The following OR8U3 variants were observed in gnomAD, a reference collection of about 807,000 sequenced individuals.
OR8U3 encodes olfactory receptor family 8 subfamily U member 3, also known as olfactory receptor 8U3.
For missense variants in OR8U3, 429 were observed against 388.6 expected (o/e 1.10, Z -0.88); for synonymous variants, 170 against 147.0 (o/e 1.16, Z -1.13).
In OR8U3 at chr11:56,418,137, T is replaced by TA. The variant is rs751135327; in HGVS notation, c.95dup (p.Leu32PhefsTer21). The TA allele has an allele frequency of 1.2e-6, 2 of 1,613,718 alleles. No homozygotes were observed. Among genetic ancestry groups the TA allele is most frequent in the East Asian group, 4.5e-5 (2 of 44,876 alleles). ...CCAGCACTGTGACCAGATAGATAAC[T>TA]AAAAACACCCCAAAGCACGGGGCCT... On this transcript the variant is annotated frameshift_variant, in exon 1 of 1. Transcript: ENST00000623286. LOFTEE classifies it low-confidence loss of function (END_TRUNC).
At position 56,417,565 on chromosome 11, in the gene OR8U3, G is replaced by A; in HGVS notation, c.668C>T (p.Ala223Val). The A allele has an allele frequency of 6.2e-7, 1 of 1,613,728 alleles. No homozygotes were observed. The highest frequency in any genetic ancestry group is 8.5e-7 in the Non-Finnish European group (1 of 1,179,718). The change falls in exon 1 of 1, where the codon GCC (alanine) becomes GTC (valine). Residue 223 changes from alanine to valine, a missense_variant. Physicochemically the swap from Ala to Val is moderately conservative, Grantham distance 64. Transcript: ENST00000623286. ...AGTAGAGCGGATCCTTAGGATAGCGGCAATAATAAAGATGTAGGAGGTGAG... is the reference window on the plus strand; with the variant it reads ...AGTAGAGCGGATCCTTAGGATAGCGACAATAATAAAGATGTAGGAGGTGAG... ...IVLTSYIFII[A>V]AILRIRSTQG... is the part of the protein sequence containing the mutation.
Position 56,418,017 on chromosome 11 carries a change from A to G in OR8U3, c.216T>C (p.Cys72=), listed in dbSNP as rs778243242. The change falls in exon 1 of 1, where the codon TGT becomes TGC. Residue 72 remains cysteine, a synonymous_variant. Coordinates refer to ENST00000623286, the MANE Select transcript of OR8U3 (RefSeq NM_001004744.1). ...FLSHLAFVDL[C]YSSAITPKMM... ...TCTTCGGTGTAATAGCAGAGGAGTA[A>G]CAAAGGTCAACAAAGGCCAGGTGGC... The G allele has an allele frequency of 1.1e-5, 18 of 1,613,758 alleles. No homozygotes were observed. In the South Asian group the frequency reaches 2.0e-4, roughly 18 times the overall value.
rs201002192 is a variant in OR8U3 at position 56,417,966 on chromosome 11, G to C, written c.267C>G (p.Arg89=). The part of the protein sequence containing the change: ...PKMMVNFVVE[R]NTIPFHACAT... ...CACAAGCATGGAAAGGAATGGTGTTGCGTTCCACAACAAAATTCACCATCA... is the reference window on the plus strand; with the variant it reads ...CACAAGCATGGAAAGGAATGGTGTTCCGTTCCACAACAAAATTCACCATCA... Residue 89 remains arginine, a synonymous_variant, in exon 1 of 1, where the codon CGC becomes CGG. Coordinates refer to ENST00000623286, the MANE Select transcript of OR8U3 (RefSeq NM_001004744.1). 15 of 1,613,736 alleles carry C rather than the reference G, an allele frequency of 9.3e-6. No individual in the cohort carries two copies. The highest frequency in any genetic ancestry group is 1.2e-5 in the Non-Finnish European group (14 of 1,179,906).
Position 56,417,781 on chromosome 11 carries a change from T to G in OR8U3, c.452A>C (p.Tyr151Ser). 6.2e-7 allele frequency: 1 copy of G among 1,613,826 alleles called. No individual in the cohort carries two copies. The highest frequency in any genetic ancestry group is 8.5e-7 in the Non-Finnish European group (1 of 1,179,876). Residue 151 changes from tyrosine (Y) to serine (S), a missense_variant, in exon 1 of 1, where the codon TAC becomes TCC. Transcript: ENST00000623286. ...GTGGAAGAGGGCAACCAGGAAGCTG[T>G]ATATATATGGAACTGCCACCAGTTG... ...CIQLVAVPYI[Y>S]SFLVALFHTV...
Position 56,418,229 on chromosome 11 carries a change from C to A in OR8U3, c.4G>T (p.Ala2Ser). M[A>S]EVNIIYVTVF... ...GTGACATAAATGATATTAACTTCAGCCATTTATCCTAACAGGTTTTGTAGA... is the reference window on the plus strand; with the variant it reads ...GTGACATAAATGATATTAACTTCAGACATTTATCCTAACAGGTTTTGTAGA... Residue 2 changes from alanine to serine, a missense_variant, in exon 1 of 1, where the codon GCT (alanine) becomes TCT (serine). Coordinates refer to ENST00000623286, the MANE Select transcript of OR8U3 (RefSeq NM_001004744.1). 6.4e-7 allele frequency: 1 copy of A among 1,568,868 alleles called. No homozygotes were observed. Among genetic ancestry groups the A allele is most frequent in the Non-Finnish European group, 8.6e-7 (1 of 1,162,586 alleles).
rs766292892 is a variant in OR8U3, at chr11:56,417,689, G to T, written c.544C>A (p.Leu182Ile). The T allele has an allele frequency of 6.2e-7, 1 of 1,613,828 alleles. No individual in the cohort carries two copies. Among genetic ancestry groups the T allele is most frequent in the Non-Finnish European group, 8.5e-7 (1 of 1,179,816 alleles). Reference sequence around the variant, plus strand: ...GAGCAGGACAGAGCTAAGAAGGGGAGGTCATCACAATAGAAATGGTTAATT... The same window carrying T: ...GAGCAGGACAGAGCTAAGAAGGGGATGTCATCACAATAGAAATGGTTAATT... ...NLINHFYCDD[L>I]PFLALSCSDT... The change falls in exon 1 of 1, where the codon CTC becomes ATC. Residue 182 changes from leucine to isoleucine, a missense_variant. By Grantham distance (5) the Leu-to-Ile change is conservative. Transcript: ENST00000623286.
At position 56,417,276 on chromosome 11, in the gene OR8U3, T is replaced by G; in HGVS notation, c.957A>C (p.Lys319Asn). 1 of 1,387,444 alleles carries G rather than the reference T, an allele frequency of 7.2e-7. No individual in the cohort carries two copies. Among genetic ancestry groups the G allele is most frequent in the South Asian group, 1.3e-5 (1 of 75,790 alleles). The allele number at this position is 1,387,444 out of a possible 1,614,324, so 85.9% of individuals were successfully genotyped here. Reference sequence around the variant, plus strand: ...TGCTTGTTTAATAAAGTTTTCTTATTTTTAAAAATGTTAATATCTGTAAGT... The same window carrying G: ...TGCTTGTTTAATAAAGTTTTCTTATGTTTAAAAATGTTAATATCTGTAAGT... Reference protein sequence around the residue: ...CENLQILTFLKIRKLY With the variant: ...CENLQILTFLNIRKLY The change falls in exon 1 of 1, where the codon AAA (lysine) becomes AAC (asparagine). Residue 319 changes from lysine to asparagine, a missense_variant. Coordinates refer to ENST00000623286, the MANE Select transcript of OR8U3 (RefSeq NM_001004744.1).
Position 56,418,127 on chromosome 11 carries a change from GA to G in OR8U3, c.105del (p.Leu36TrpfsTer10). The G allele has an allele frequency of 6.2e-7, 1 of 1,613,904 alleles. No homozygotes were observed. The highest frequency in any genetic ancestry group is 8.5e-7 in the Non-Finnish European group (1 of 1,179,900). On this transcript the variant is annotated frameshift_variant, in exon 1 of 1. Transcript: ENST00000623286. LOFTEE classifies it low-confidence loss of function (END_TRUNC). ...CCAAGATTGCCCAGCACTGTGACCA[GA>G]TAGATAACTAAAAACACCCCAAAGC... ...APCFGVFLVI[Y>X]LVTVLGNLGL...
At position 56,418,028 on chromosome 11, in the gene OR8U3, C is replaced by CAA; in HGVS notation, c.203_204dup (p.Val69LeufsTer14). 6.2e-7 allele frequency: 1 copy of CAA among 1,613,830 alleles called. No individual in the cohort carries two copies. Among genetic ancestry groups the CAA allele is most frequent in the Middle Eastern group, 1.7e-4 (1 of 6,058 alleles). On this transcript the variant is annotated frameshift_variant, in exon 1 of 1. Transcript: ENST00000623286. LOFTEE classifies it low-confidence loss of function (END_TRUNC). ...ATAGCAGAGGAGTAACAAAGGTCAA[C>CAA]AAAGGCCAGGTGGCTGAGGAAATAG...
chr11:56,418,056 C>CA lies in OR8U3; in HGVS notation c.176dup (p.Met59IlefsTer12), dbSNP rs1241425061. On this transcript the variant is annotated frameshift_variant, in exon 1 of 1. Coordinates refer to ENST00000623286, the MANE Select transcript of OR8U3 (RefSeq NM_001004744.1). LOFTEE classifies it low-confidence loss of function (END_TRUNC). ...AGGCCAGGTGGCTGAGGAAATAGTA[C>CA]ATAGGTGTGTGGAGTCGAGTATCAA... 6 of 1,613,676 alleles carry CA rather than the reference C, an allele frequency of 3.7e-6. No homozygotes were observed. In the South Asian group the frequency reaches 6.6e-5, roughly 18 times the overall value.
At position 56,417,718 on chromosome 11, in the gene OR8U3, T is replaced by C; in HGVS notation, c.515A>G (p.Asn172Ser). The change falls in exon 1 of 1, where the codon AAC (asparagine) becomes AGC (serine). Residue 172 changes from asparagine (N) to serine (S), a missense_variant. By Grantham distance (46) the Asn-to-Ser change is conservative (BLOSUM62 1). Transcript: ENST00000623286. ...ITFRLTYCGPNLINHFYCDDL... is the reference protein window; with the variant it reads ...ITFRLTYCGPSLINHFYCDDL... Reference sequence around the variant, plus strand: ...ATCACAATAGAAATGGTTAATTAAGTTTGGGCCACAGTAAGTCAGACGGAA... The same window carrying C: ...ATCACAATAGAAATGGTTAATTAAGCTTGGGCCACAGTAAGTCAGACGGAA... 1.2e-6 allele frequency: 2 copies of C among 1,613,820 alleles called. No individual in the cohort carries two copies. Among genetic ancestry groups the C allele is most frequent in the Non-Finnish European group, 1.7e-6 (2 of 1,179,882 alleles).
Position 56,417,861 on chromosome 11 carries a change from G to T in OR8U3, c.372C>A (p.Val124=). The T allele has an allele frequency of 5.0e-6, 8 of 1,613,810 alleles. No homozygotes were observed. The highest frequency in any genetic ancestry group is 3.3e-5 in the Admixed American group (2 of 59,960). ...LLASMAYDCY[V]AICSPLHYST... ...AATAATGCAGGGGACTACAGATGGCGACATAGCAATCGTAGGCCATGGAGG... is the reference window on the plus strand; with the variant it reads ...AATAATGCAGGGGACTACAGATGGCTACATAGCAATCGTAGGCCATGGAGG... The change falls in exon 1 of 1, where the codon GTC becomes GTA. Residue 124 remains valine (V), a synonymous_variant. Coordinates refer to ENST00000623286, the MANE Select transcript of OR8U3 (RefSeq NM_001004744.1).
rs1271337179 is a variant in OR8U3 at position 56,417,366 on chromosome 11, G to A, written c.867C>T (p.Ile289=). The A allele has an allele frequency of 1.2e-6, 2 of 1,612,160 alleles. No homozygotes were observed. ...TVVIPMLNPL[I]YSLRNKEVKD... Reference sequence around the variant, plus strand: ...TCACTTCTTTGTTCCTTAGACTATAGATTAGGGGGTTTAACATGGGGATCA... The same window carrying A: ...TCACTTCTTTGTTCCTTAGACTATAAATTAGGGGGTTTAACATGGGGATCA... The change falls in exon 1 of 1, where the codon ATC becomes ATT. Residue 289 remains isoleucine, a synonymous_variant. Coordinates refer to ENST00000623286, the MANE Select transcript of OR8U3 (RefSeq NM_001004744.1).
chr11:56,417,503 G>C lies in OR8U3; in HGVS notation c.730C>G (p.His244Asp). 6.2e-7 allele frequency: 1 copy of C among 1,614,000 alleles called. No individual in the cohort carries two copies. Residue 244 changes from histidine to aspartate, a missense_variant, in exon 1 of 1, where the codon CAT becomes GAT. By Grantham distance (81) the His-to-Asp change is moderately conservative. Coordinates refer to ENST00000623286, the MANE Select transcript of OR8U3 (RefSeq NM_001004744.1). ...TAGAAAATAGTGACAGTCACCATAT[G>C]GGAGCCACAGGTGGAAATGGCTTTG... ...QHKAISTCGS[H>D]MVTVTIFYGT...
At position 56,417,393 on chromosome 11, in the gene OR8U3, C is replaced by T. The variant is rs369802483; in HGVS notation, c.840G>A (p.Val280=). 8 of 1,613,226 alleles carry T rather than the reference C, an allele frequency of 5.0e-6. No individual in the cohort carries two copies. The African/African-American group carries it at 8.0e-5, about 16-fold the overall frequency. The change falls in exon 1 of 1, where the codon GTG becomes GTA. Residue 280 remains valine, a synonymous_variant. Coordinates refer to ENST00000623286, the MANE Select transcript of OR8U3 (RefSeq NM_001004744.1). ...TDKMASVFYT[V]VIPMLNPLIY... ...TTAGGGGGTTTAACATGGGGATCACCACTGTGTAAAATACAGAAGCCATCT... is the reference window on the plus strand; with the variant it reads ...TTAGGGGGTTTAACATGGGGATCACTACTGTGTAAAATACAGAAGCCATCT...
In OR8U3 at chr11:56,418,076, T is replaced by C; in HGVS notation, c.157A>G (p.Thr53Ala). The C allele has an allele frequency of 6.2e-7, 1 of 1,613,736 alleles. No homozygotes were observed. Among genetic ancestry groups the C allele is most frequent in the Non-Finnish European group, 8.5e-7 (1 of 1,179,840 alleles). The change falls in exon 1 of 1, where the codon ACT becomes GCT. Residue 53 changes from threonine to alanine, a missense_variant. Transcript: ENST00000623286. ...TAGTACATAGGTGTGTGGAGTCGAG[T>C]ATCAATCTTGATTAAAGTAATCAAC... ...LGLITLIKID[T>A]RLHTPMYYFL...
rs78109726 is a variant in OR8U3 at position 56,418,068 on chromosome 11, G to C, written c.165C>G (p.Leu55=). 3.2e-4 allele frequency: 509 copies of C among 1,613,848 alleles called. 1 individual carries two copies. The African/African-American group carries it at 6.2e-3, about 20-fold the overall frequency. Residue 55 remains leucine (L), a synonymous_variant, in exon 1 of 1, where the codon CTC becomes CTG. Transcript: ENST00000623286. Reference sequence around the variant, plus strand: ...TGAGGAAATAGTACATAGGTGTGTGGAGTCGAGTATCAATCTTGATTAAAG... The same window carrying C: ...TGAGGAAATAGTACATAGGTGTGTGCAGTCGAGTATCAATCTTGATTAAAG... ...LITLIKIDTR[L]HTPMYYFLSH...
In OR8U3 at chr11:56,417,820, C is replaced by T. The variant is rs745506806; in HGVS notation, c.413G>A (p.Arg138Lys). ...SPLHYSTLMS[R>K]RVCIQLVAVP... ...TGCCACCAGTTGAATGCAGACTCTT[C>T]TTGACATCAGTGTTGAATAATGCAG... The change falls in exon 1 of 1, where the codon AGA becomes AAA. Residue 138 changes from arginine (R) to lysine (K), a missense_variant. Physicochemically the swap from Arg to Lys is conservative, Grantham distance 26. Coordinates refer to ENST00000623286, the MANE Select transcript of OR8U3 (RefSeq NM_001004744.1). 6.2e-7 allele frequency: 1 copy of T among 1,613,892 alleles called. No individual in the cohort carries two copies. Among genetic ancestry groups the T allele is most frequent in the Non-Finnish European group, 8.5e-7 (1 of 1,179,870 alleles).
chr11:56,417,843 C>T lies in OR8U3; in HGVS notation c.390G>A (p.Leu130=), dbSNP rs576212806. 130 of 1,613,786 alleles carry T rather than the reference C, an allele frequency of 8.1e-5. 2 individuals are homozygous for T. The South Asian group carries it at 1.3e-3, about 16-fold the overall frequency. ...TTCTTGACATCAGTGTTGAATAATGCAGGGGACTACAGATGGCGACATAGC... is the reference window on the plus strand; with the variant it reads ...TTCTTGACATCAGTGTTGAATAATGTAGGGGACTACAGATGGCGACATAGC... ...YDCYVAICSP[L]HYSTLMSRRV... is the part of the protein sequence containing the mutation. The change falls in exon 1 of 1, where the codon CTG becomes CTA. Residue 130 remains leucine, a synonymous_variant. Transcript: ENST00000623286.
Sources: allele counts gnomAD v4.1 joint callset, GRCh38; gene constraint gnomAD v4.1.1; transcripts MANE v1.5; gene names NCBI Gene and HGNC (gene_info 2026-07-23, HGNC 2026-07-21).